The following MDGA2 variants were observed in gnomAD, a reference collection of about 807,000 sequenced individuals.
The protein encoded by MDGA2 is MAM domain containing glycosylphosphatidylinositol anchor 2.
In MDGA2, 40 loss-of-function variants were observed where a neutral mutation model predicts 117.8. The ratio of observed to expected loss-of-function variants is 0.34; its 90% CI spans 0.26 to 0.44. MDGA2 has a LOEUF of 0.44. Ranked by LOEUF, MDGA2 falls within the 20% of genes least tolerant of loss-of-function variation. The pLI, the probability that MDGA2 is intolerant of heterozygous loss-of-function variation, is 1.00. For synonymous variants in MDGA2, 452 were observed against 439.0 expected (o/e 1.03, Z -0.37); for missense variants, 1,123 against 1,250.6 (o/e 0.90, Z 1.54).
intron 1 of MDGA2, among the ~76,000 whole-genome samples, chr14:47,494,553 T>C (rs954006578): frequency 6.6e-6 from 1 of 152,106 alleles, no homozygotes; most frequent in Non-Finnish European, 1.5e-5. Context: ...TCCCATTTGT[T>C]TTTGTTGCAT....
chr14:46,982,293 A>G (rs1886702214), intron 8 of MDGA2, among the ~76,000 whole-genome samples: 1 of 152,192 alleles, frequency 6.6e-6, no homozygotes, highest in Non-Finnish European at 1.5e-5. Context: ...ATAGTATTAT[A>G]CTATGATTAA....
chr14:47,328,398 C>A (rs1260914922), intron 1 of MDGA2, among the ~76,000 whole-genome samples: 1 of 152,134 alleles, frequency 6.6e-6, no homozygotes, highest in African/African-American at 2.4e-5. Context: ...AAGAAAACTA[C>A]ATATTAAAGA....
rs67255552 is a variant in MDGA2, at chr14:47,370,468, G to GTTTTTTTTTTTTTTTTTTTTTTTTTT, written c.281-68944_281-68919dup. Among the ~76,000 whole-genome samples the GTTTTTTTTTTTTTTTTTTTTTTTTTT allele has an allele frequency of 1.5e-4, 3 of 20,684 alleles. 1 individual carries two copies. Among genetic ancestry groups the GTTTTTTTTTTTTTTTTTTTTTTTTTT allele is most frequent in the African/African-American group, 4.0e-4 (3 of 7,432 alleles). The allele number at this position is 20,684 out of a possible 152,430, so 13.6% of individuals were successfully genotyped here. ...TTACTATTTTCTAGGTCTACTTACT[G>GTTTTTTTTTTTTTTTTTTTTTTTTTT]TTTTTTTTTTTTTTTTTTTTTTTTT... On this transcript the variant is annotated intron_variant, in intron 1 of 16. Coordinates refer to ENST00000399232, the MANE Select transcript of MDGA2 (RefSeq NM_001113498.3).
chr14:46,843,929 G>A (rs1404580542), intron 16 of MDGA2, among the ~76,000 whole-genome samples: 2 of 152,138 alleles, frequency 1.3e-5, no homozygotes, highest in Non-Finnish European at 2.9e-5. Flanking sequence ...TTCCAGATGA[G>A]TCTAAGATAA....
At chr14:46,875,041 T>C (rs2138369516) in intron 12 of MDGA2, among the ~76,000 whole-genome samples, 1 of 151,874 alleles carries the variant, frequency 6.6e-6, no homozygotes, top group East Asian at 1.9e-4. Flanking sequence ...ACATAATGTA[T>C]ATTATTTCAC....
chr14:47,172,812 A>G (rs891669481), intron 3 of MDGA2, among the ~76,000 whole-genome samples: 2 of 152,200 alleles, frequency 1.3e-5, no homozygotes. Context: ...TGACTTTGAC[A>G]AGTTGAGAGA....
intron 7 of MDGA2, among the ~76,000 whole-genome samples, chr14:47,045,414 T>G (rs1480009522): frequency 2.6e-5 from 4 of 152,294 alleles, no homozygotes; most frequent in African/African-American, 9.6e-5. Flanking sequence ...AGCAAATAGT[T>G]CTTTCTTTTT....
intron 1 of MDGA2, among the ~76,000 whole-genome samples, chr14:47,438,320 G>A (rs1269165876): frequency 1.3e-5 from 2 of 152,080 alleles, no homozygotes; most frequent in Admixed American, 6.6e-5. Context: ...ACAGCATACC[G>A]AAAGTTACTG....
At chr14:47,168,141 C>T (rs188348396) in intron 3 of MDGA2, among the ~76,000 whole-genome samples, 39 of 152,114 alleles carry the variant, frequency 2.6e-4, no homozygotes, top group South Asian at 4.1e-4. Flanking sequence ...ACTGCCTTCC[C>T]TTCTCTGCCA....
At chr14:46,989,132 G>C (rs963812312) in intron 8 of MDGA2, among the ~76,000 whole-genome samples, 2 of 151,806 alleles carry the variant, frequency 1.3e-5, no homozygotes, top group African/African-American at 4.8e-5. Context: ...ACTTTTCTTT[G>C]TATCTGTCCA....
chr14:46,900,463 A>G (rs190625505), intron 10 of MDGA2, among the ~76,000 whole-genome samples: 61 of 152,310 alleles, frequency 4.0e-4, no homozygotes, highest in Admixed American at 3.8e-3. Flanking sequence ...ACCCAAATGT[A>G]TTTTAAAGAA....
intron 2 of MDGA2, among the ~76,000 whole-genome samples, chr14:47,232,590 G>A (rs1886728313): frequency 6.6e-6 from 1 of 151,942 alleles, no homozygotes; most frequent in African/African-American, 2.4e-5. Flanking sequence ...TGAAAGCCAG[G>A]CCAAAGAAAG....
intron 1 of MDGA2, among the ~76,000 whole-genome samples, chr14:47,398,083 C>T (rs529111391): frequency 1.8e-4 from 27 of 152,220 alleles, no homozygotes; most frequent in African/African-American, 5.5e-4. Flanking sequence ...AATGAAATGA[C>T]GCTACTGAGG....
chr14:47,472,783 G>C (rs567451345), intron 1 of MDGA2, among the ~76,000 whole-genome samples: 5 of 152,202 alleles, frequency 3.3e-5, no homozygotes, highest in African/African-American at 1.2e-4. Context: ...TTAAAAGCCC[G>C]AGCCTCCAAT....
At chr14:47,601,297 A>G (rs1896643206) in intron 1 of MDGA2, among the ~76,000 whole-genome samples, 1 of 152,150 alleles carries the variant, frequency 6.6e-6, no homozygotes, top group African/African-American at 2.4e-5. Flanking sequence ...CTGTGGTTAT[A>G]GGGCAAGATA....
intron 1 of MDGA2, among the ~76,000 whole-genome samples, chr14:47,510,406 CTTGT>C (rs1894614668): frequency 6.6e-6 from 1 of 152,102 alleles, no homozygotes; most frequent in Admixed American, 6.5e-5. Context: ...GAGAGTTCTC[CTTGT>C]TTAACATTTT....
At chr14:47,579,155 G>A (rs907005848) in intron 1 of MDGA2, among the ~76,000 whole-genome samples, 4 of 151,838 alleles carry the variant, frequency 2.6e-5, no homozygotes, top group Non-Finnish European at 5.9e-5. Context: ...ATGAATTCTT[G>A]GATAAAAATA....
intron 5 of MDGA2, among the ~76,000 whole-genome samples, chr14:47,119,174 GCCC>G (rs1202534048): frequency 2.7e-4 from 2 of 7,416 alleles, no homozygotes; most frequent in Admixed American, 2.3e-3. Flanking sequence ...CCTCAGCCCC[GCCC>G]CCCCCCCCCC....
At chr14:47,662,756 T>A (rs750532248) in intron 1 of MDGA2, among the ~76,000 whole-genome samples, 1 of 152,194 alleles carries the variant, frequency 6.6e-6, no homozygotes, top group Non-Finnish European at 1.5e-5. Flanking sequence ...GGAGTTATTC[T>A]AGTCTTGGGG....
Sources: allele counts gnomAD v4.1 joint callset (sites outside exome capture counted in the v4.1 genomes callset), GRCh38; gene constraint gnomAD v4.1.1; transcripts MANE v1.5; gene names NCBI Gene and HGNC (gene_info 2026-07-23, HGNC 2026-07-21).